Variants in MRPS6 observed in about 807,000 individuals in gnomAD.
MRPS6 encodes the protein mitochondrial ribosomal protein S6.
Under a neutral mutation model 13.1 loss-of-function variants are expected in MRPS6, and 6 were observed. The ratio of observed to expected loss-of-function variants is 0.46; its 90% CI spans 0.25 to 0.91. The LOEUF (loss-of-function observed/expected upper bound fraction) is 0.91, where lower values mean the gene tolerates loss of function less well. MRPS6 is among the 40% of genes least tolerant of loss of function. MRPS6 has a pLI of 0.18. For synonymous variants in MRPS6, 61 were observed against 56.5 expected (o/e 1.08, Z -0.36); for missense variants, 164 against 155.6 (o/e 1.05, Z -0.29).
chr21:34,104,766 C>T (rs751109363), intron 1 of MRPS6: 33 of 1,000,146 alleles, frequency 3.3e-5, no homozygotes, highest in Non-Finnish European at 3.9e-5. Flanking sequence ...GGCTTAGCAA[C>T]ATGTGATAAT....
At chr21:34,108,351 C>A (rs1404746308) in intron 1 of MRPS6, among the ~76,000 whole-genome samples, 4 of 152,174 alleles carry the variant, frequency 2.6e-5, no homozygotes, top group Non-Finnish European at 4.4e-5. Context: ...CGGTTACTTA[C>A]AGTATTCCCT....
chr21:34,119,046 T>C (rs567734086), intron 1 of MRPS6, among the ~76,000 whole-genome samples: 8 of 152,324 alleles, frequency 5.3e-5, no homozygotes, highest in African/African-American at 1.7e-4. Context: ...CTTGTCCTTA[T>C]TGAATTTTAT....
At chr21:34,131,013 C>T (rs1331933381) in intron 2 of MRPS6, among the ~76,000 whole-genome samples, 2 of 152,202 alleles carry the variant, frequency 1.3e-5, no homozygotes, top group African/African-American at 2.4e-5. Flanking sequence ...AACCATGTCA[C>T]TTGTGCCATG....
At chr21:34,127,765 C>A (rs1980359138) in intron 2 of MRPS6, among the ~76,000 whole-genome samples, 1 of 152,182 alleles carries the variant, frequency 6.6e-6, no homozygotes, top group African/African-American at 2.4e-5. Context: ...TTGGCAAATT[C>A]TTTATGTGCA....
At chr21:34,104,747 A>G in intron 1 of MRPS6, 1 of 1,000,318 alleles carries the variant, frequency 1.0e-6, no homozygotes, top group Non-Finnish European at 1.2e-6. Flanking sequence ...AAGTTTGAGG[A>G]ACACCCTTGG....
intron 1 of MRPS6, chr21:34,100,622 G>A: frequency 6.0e-6 from 6 of 1,000,220 alleles, no homozygotes; most frequent in Non-Finnish European, 7.2e-6. Flanking sequence ...CAAGAAATTA[G>A]CTGGGACCCA....
chr21:34,141,977 T>C (rs1437119549), intron 2 of MRPS6, among the ~76,000 whole-genome samples: 2 of 152,224 alleles, frequency 1.3e-5, no homozygotes, highest in African/African-American at 4.8e-5. Context: ...GTGTGTTAGT[T>C]CACAGGGAAA....
intron 1 of MRPS6, chr21:34,102,926 A>G: frequency 1.0e-6 from 1 of 999,756 alleles, no homozygotes; most frequent in Non-Finnish European, 1.2e-6. Context: ...TCCCCAACCT[A>G]ATTTATCTTG....
intron 2 of MRPS6, among the ~76,000 whole-genome samples, chr21:34,134,167 A>G (rs891113070): frequency 2.6e-5 from 4 of 152,320 alleles, no homozygotes; most frequent in African/African-American, 9.6e-5. Flanking sequence ...TAAATGAGTA[A>G]TTCATAAGTT....
intron 1 of MRPS6, chr21:34,105,695 GT>G (rs1979445225): frequency 2.0e-6 from 2 of 998,774 alleles, no homozygotes; most frequent in Non-Finnish European, 2.4e-6. Flanking sequence ...TTATTAGTGA[GT>G]TTTTTGAATT....
chr21:34,090,078 A>G (rs1438486717), intron 1 of MRPS6, among the ~76,000 whole-genome samples: 1 of 152,138 alleles, frequency 6.6e-6, no homozygotes, highest in Non-Finnish European at 1.5e-5. Flanking sequence ...GTTCTCAAAA[A>G]GTTTTGGATT....
intron 1 of MRPS6, among the ~76,000 whole-genome samples, chr21:34,107,634 G>A (rs990817249): frequency 1.3e-5 from 2 of 151,876 alleles, no homozygotes; most frequent in African/African-American, 2.4e-5. Flanking sequence ...TTTTTTTGAT[G>A]GGGAGGATAC....
chr21:34,074,220 C>T (rs1989265803), intron 1 of MRPS6, among the ~76,000 whole-genome samples: 2 of 151,044 alleles, frequency 1.3e-5, no homozygotes, highest in Non-Finnish European at 3.0e-5. Context: ...CGACCGCCTC[C>T]GCTCTAGCGC....
rs759652641 is a variant in MRPS6, at chr21:34,142,544, A to G, written c.322A>G (p.Ile108Val). Reference protein sequence around the residue: ...LTQELKECEGIVPVPLAEKLY... With the variant: ...LTQELKECEGVVPVPLAEKLY... ...CCAGGAACTAAAAGAATGTGAAGGG[A>G]TTGTCCCAGTCCCACTCGCAGAAAA... The change falls in exon 3 of 3, where the codon ATT becomes GTT. Residue 108 changes from isoleucine (I) to valine (V), a missense_variant. Physicochemically the swap from Ile to Val is conservative, Grantham distance 29. Transcript: ENST00000399312. 7 of 1,613,148 alleles carry G rather than the reference A, an allele frequency of 4.3e-6. No homozygotes were observed. The African/African-American group carries it at 8.0e-5, about 18-fold the overall frequency.
chr21:34,093,051 C>A (rs1978785760), intron 1 of MRPS6, among the ~76,000 whole-genome samples: 1 of 152,094 alleles, frequency 6.6e-6, no homozygotes. Context: ...TTAACGATAC[C>A]TTTTTAAATA....
rs147852293 is a variant in MRPS6, at chr21:34,079,074, G to A, written c.45+5329G>A. On this transcript the variant is annotated intron_variant, in intron 1 of 2. Coordinates refer to ENST00000399312, the MANE Select transcript of MRPS6 (RefSeq NM_032476.4). ...GTTAATTCAGCCTCTTATCCTTTTT[G>A]TTGCTTTGAAATTAGAGCAAGAGTT... 1.4e-3 allele frequency among the ~76,000 whole-genome samples: 216 copies of A among 152,308 alleles called. 2 individuals carry two copies. The highest frequency in any genetic ancestry group is 2.4e-4 in the Non-Finnish European group (16 of 68,020).
chr21:34,079,954 T>C (rs1445407286), intron 1 of MRPS6, among the ~76,000 whole-genome samples: 4 of 152,190 alleles, frequency 2.6e-5, no homozygotes, highest in African/African-American at 9.7e-5. Flanking sequence ...CTCTGTCTTC[T>C]GTCATCTGGG....
intron 2 of MRPS6, among the ~76,000 whole-genome samples, chr21:34,127,445 T>C (rs1980347740): frequency 6.6e-6 from 1 of 152,226 alleles, no homozygotes; most frequent in African/African-American, 2.4e-5. Flanking sequence ...TTCTAGAGGT[T>C]CACAGTGCAC....
chr21:34,099,918 G>A, intron 1 of MRPS6: 1 of 353,218 alleles, frequency 2.8e-6, no homozygotes, highest in African/African-American at 2.2e-5. Flanking sequence ...ATTGCTGATT[G>A]CAACTTAATT....
Sources: allele counts gnomAD v4.1 joint callset (sites outside exome capture counted in the v4.1 genomes callset), GRCh38; gene constraint gnomAD v4.1.1; transcripts MANE v1.5; gene names NCBI Gene and HGNC (gene_info 2026-07-23, HGNC 2026-07-21).